MGAT4C: variants seen among roughly 807,000 people sequenced by gnomAD.
MGAT4C encodes alpha-1,3-mannosyl-glycoprotein 4-beta-N-acetylglucosaminyltransferase C.
In MGAT4C, 19 loss-of-function variants were observed where a neutral mutation model predicts 40.1. The observed-to-expected ratio is 0.47, with a 90% confidence interval of 0.33 to 0.70. The LOEUF (loss-of-function observed/expected upper bound fraction) is 0.70, where lower values mean the gene tolerates loss of function less well. Ranked by LOEUF, MGAT4C falls within the 30% of genes least tolerant of loss-of-function variation. MGAT4C has a pLI of 0.02. For synonymous variants in MGAT4C, 181 were observed against 187.1 expected (o/e 0.97, Z 0.27); for missense variants, 491 against 563.2 (o/e 0.87, Z 1.30).
intron 2 of MGAT4C, among the ~76,000 whole-genome samples, chr12:86,522,157 G>C (rs1425537032): frequency 2.0e-5 from 3 of 152,098 alleles, no homozygotes; most frequent in Admixed American, 1.3e-4. Context: ...GGAGTGGTGA[G>C]AGAGGATATC....
chr12:86,192,031 G>A (rs1889564803), intron 1 of MGAT4C, among the ~76,000 whole-genome samples: 1 of 142,128 alleles, frequency 7.0e-6, no homozygotes. Context: ...ACTCATAGGT[G>A]GGAAGTGAAC....
chr12:86,052,255 A>C (rs1033381945), intron 1 of MGAT4C, among the ~76,000 whole-genome samples: 4 of 151,718 alleles, frequency 2.6e-5, no homozygotes, highest in Non-Finnish European at 4.4e-5. Flanking sequence ...AGAGGGCCCC[A>C]AATTTTTTCA....
chr12:86,431,832 A>T (rs1957045307), intron 3 of MGAT4C, among the ~76,000 whole-genome samples: 1 of 152,156 alleles, frequency 6.6e-6, no homozygotes. Flanking sequence ...TTTCATCTGT[A>T]TCCATATAGA....
chr12:86,486,673 G>A (rs1386093944), intron 2 of MGAT4C, among the ~76,000 whole-genome samples: 1 of 152,020 alleles, frequency 6.6e-6, no homozygotes, highest in Non-Finnish European at 1.5e-5. Flanking sequence ...GATTATTGAG[G>A]CAAACAACTA....
chr12:86,774,285 T>TTCTTTCTTTC (rs1565981237), intron 1 of MGAT4C, among the ~76,000 whole-genome samples: 9 of 18,240 alleles, frequency 4.9e-4, no homozygotes, highest in African/African-American at 8.8e-4. Flanking sequence ...GGCTTGCTCT[T>TTCTTTCTTTC]TCTTTCTTTC....
chr12:85,989,167 TG>T (rs1448107613), intron 3 of MGAT4C, among the ~76,000 whole-genome samples: 9 of 152,046 alleles, frequency 5.9e-5, no homozygotes, highest in Admixed American at 3.9e-4. Flanking sequence ...TGTAATTACA[TG>T]TACATATTTG....
intron 4 of MGAT4C, among the ~76,000 whole-genome samples, chr12:86,287,460 C>T (rs1055754915): frequency 6.6e-6 from 1 of 151,844 alleles, no homozygotes; most frequent in Non-Finnish European, 1.5e-5. Flanking sequence ...CACCCATCAA[C>T]CTATCAACTA....
At chr12:86,748,669 C>T (rs1047200185) in intron 1 of MGAT4C, among the ~76,000 whole-genome samples, 1 of 151,436 alleles carries the variant, frequency 6.6e-6, no homozygotes, top group African/African-American at 2.4e-5. Flanking sequence ...AGAAACATAT[C>T]AGAGGGAGAT....
chr12:86,177,594 C>A lies in MGAT4C; in HGVS notation c.-57+78645G>T, dbSNP rs574155451. ...GAAATCATAAAATGAGTGATTTATTCTCTATGTCACCAACACCCTATATTT... is the reference window on the plus strand; with the variant it reads ...GAAATCATAAAATGAGTGATTTATTATCTATGTCACCAACACCCTATATTT... On this transcript the variant is annotated intron_variant, in intron 1 of 4. Transcript: ENST00000611864. Among the ~76,000 whole-genome samples the A allele has an allele frequency of 3.9e-5, 6 of 152,074 alleles. No individual in the cohort carries two copies. In the South Asian group the frequency reaches 1.0e-3, roughly 26 times the overall value.
At chr12:86,268,070 A>G (rs915282613) in intron 4 of MGAT4C, among the ~76,000 whole-genome samples, 6 of 152,156 alleles carry the variant, frequency 3.9e-5, no homozygotes, top group Non-Finnish European at 8.8e-5. Flanking sequence ...ATGCTTAGAA[A>G]GATAGCTGTG....
chr12:86,226,402 A>G (rs1472417271), intron 1 of MGAT4C, among the ~76,000 whole-genome samples: 1 of 152,000 alleles, frequency 6.6e-6, no homozygotes, highest in Admixed American at 6.6e-5. Flanking sequence ...TTTACTGGTA[A>G]GAAAATCTGT....
intron 1 of MGAT4C, among the ~76,000 whole-genome samples, chr12:86,791,729 T>G (rs566809372): frequency 6.6e-6 from 1 of 152,312 alleles, no homozygotes; most frequent in South Asian, 2.1e-4. Context: ...GAACCATCCC[T>G]TTCTCAGCAT....
At chr12:86,125,768 G>A (rs1214193615) in intron 1 of MGAT4C, among the ~76,000 whole-genome samples, 2 of 152,096 alleles carry the variant, frequency 1.3e-5, no homozygotes, top group African/African-American at 4.8e-5. Context: ...CTTGAAATGT[G>A]AAAGGTTTAA....
At chr12:86,530,677 A>C (rs1457390960) in intron 2 of MGAT4C, among the ~76,000 whole-genome samples, 1 of 152,148 alleles carries the variant, frequency 6.6e-6, no homozygotes, top group Non-Finnish European at 1.5e-5. Context: ...CTCATGTTTC[A>C]AAAAGCAATA....
At chr12:86,725,728 G>C (rs926715458) in intron 2 of MGAT4C, among the ~76,000 whole-genome samples, 1 of 151,834 alleles carries the variant, frequency 6.6e-6, no homozygotes, top group Non-Finnish European at 1.5e-5. Context: ...CTCTCAAAGG[G>C]CTAGGATTAC....
At chr12:86,308,640 T>C (rs1024880477) in intron 4 of MGAT4C, among the ~76,000 whole-genome samples, 1 of 150,610 alleles carries the variant, frequency 6.6e-6, no homozygotes, top group Non-Finnish European at 1.5e-5. Context: ...ATTTTTAAAA[T>C]GGCAAAATAC....
At chr12:86,080,219 C>G (rs1475856326) in intron 1 of MGAT4C, among the ~76,000 whole-genome samples, 1 of 152,076 alleles carries the variant, frequency 6.6e-6, no homozygotes, top group Non-Finnish European at 1.5e-5. Flanking sequence ...AATAAACATT[C>G]TGGCTTTAGT....
intron 3 of MGAT4C, among the ~76,000 whole-genome samples, chr12:86,358,419 C>G (rs190726789): frequency 2.0e-5 from 3 of 152,266 alleles, no homozygotes; most frequent in African/African-American, 7.2e-5. Flanking sequence ...ACTGCATCAA[C>G]TAACAAGCAA....
intron 1 of MGAT4C, among the ~76,000 whole-genome samples, chr12:86,244,892 T>C (rs778650054): frequency 6.6e-6 from 1 of 152,162 alleles, no homozygotes; most frequent in Non-Finnish European, 1.5e-5. Context: ...ATAATAATTA[T>C]AAGGGACAGC....
Sources: allele counts gnomAD v4.1 joint callset (sites outside exome capture counted in the v4.1 genomes callset), GRCh38; gene constraint gnomAD v4.1.1; transcripts MANE v1.5; gene names NCBI Gene and HGNC (gene_info 2026-07-23, HGNC 2026-07-21).